The following NUMB variants were observed in gnomAD, a reference collection of about 807,000 sequenced individuals.
NUMB encodes NUMB endocytic adaptor protein.
Under a neutral mutation model 59.7 loss-of-function variants are expected in NUMB, and 29 were observed. That is an observed-to-expected ratio of 0.49 (90% CI 0.36 to 0.66). The LOEUF is 0.66. NUMB is among the 30% of genes least tolerant of loss of function. The probability of loss-of-function intolerance (pLI) is 0.00; values close to 1 mark genes in which losing one functional copy is unlikely to be tolerated. For synonymous variants in NUMB, 288 were observed against 288.2 expected (o/e 1.00, Z 0.01); for missense variants, 723 against 822.0 (o/e 0.88, Z 1.47).
chr14:73,434,007 C>T (rs10137190), intron 1 of NUMB, among the ~76,000 whole-genome samples: 1,593 of 152,174 alleles, frequency 0.01, 28 homozygotes, highest in African/African-American at 0.037. Context: ...GCAGGAGAAT[C>T]GCTTAGAACC....
Position 73,277,181 on chromosome 14 carries a change from G to C in NUMB, c.1353C>G (p.Val451=). 6.2e-7 allele frequency: 1 copy of C among 1,614,020 alleles called. No individual in the cohort carries two copies. Among genetic ancestry groups the C allele is most frequent in the Non-Finnish European group, 8.5e-7 (1 of 1,180,020 alleles). ...DRWLEEVSKS[V]RAQQPQASAA... is the part of the protein sequence containing the mutation. Reference sequence around the variant, plus strand: ...CTGAGGCCTGGGGCTGCTGAGCCCGGACGCTCTTAGACACCTCTTCTAACC... The same window carrying C: ...CTGAGGCCTGGGGCTGCTGAGCCCGCACGCTCTTAGACACCTCTTCTAACC... The change falls in exon 13 of 13, where the codon GTC becomes GTG. Residue 451 remains valine (V), a synonymous_variant. Transcript: ENST00000555238.
intron 6 of NUMB, among the ~76,000 whole-genome samples, chr14:73,308,245 G>C (rs1394219143): frequency 1.3e-5 from 2 of 152,140 alleles, no homozygotes; most frequent in Non-Finnish European, 2.9e-5. Flanking sequence ...ACTGTTGATG[G>C]AGTGGATGTA....
chr14:73,292,780 G>A lies in NUMB; in HGVS notation c.404C>T (p.Thr135Ile). Reference sequence around the variant, plus strand: ...GCAGTGACAGATCCAGCGACGAGTGGTGCCATCACGGCATATGTAAGAAAA... The same window carrying A: ...GCAGTGACAGATCCAGCGACGAGTGATGCCATCACGGCATATGTAAGAAAA... ...RAFSYICRDGTTRRWICHCFM... is the reference protein window; with the variant it reads ...RAFSYICRDGITRRWICHCFM... Residue 135 changes from threonine (T) to isoleucine (I), a missense_variant, in exon 8 of 13, where the codon ACC becomes ATC. Thr to Ile is a moderately conservative substitution (Grantham distance 89). Around this residue, in one of 2 missense-constraint regions of NUMB, gnomAD observed 317 missense variants for 436.6 expected, o/e 0.73. Transcript: ENST00000555238. 6.2e-7 allele frequency: 1 copy of A among 1,614,242 alleles called. No homozygotes were observed. Among genetic ancestry groups the A allele is most frequent in the Non-Finnish European group, 8.5e-7 (1 of 1,180,042 alleles).
chr14:73,320,669 T>C (rs1006405275), intron 5 of NUMB, among the ~76,000 whole-genome samples: 2 of 152,210 alleles, frequency 1.3e-5, no homozygotes, highest in Non-Finnish European at 2.9e-5. Flanking sequence ...GACCACATAT[T>C]GTAGATCAGA....
At chr14:73,391,666 A>C (rs966080492) in intron 2 of NUMB, among the ~76,000 whole-genome samples, 1 of 152,224 alleles carries the variant, frequency 6.6e-6, no homozygotes, top group African/African-American at 2.4e-5. Flanking sequence ...CTAACACAGT[A>C]GGTCTGGGAT....
chr14:73,410,379 C>T (rs931353002), intron 1 of NUMB, among the ~76,000 whole-genome samples: 1 of 152,264 alleles, frequency 6.6e-6, no homozygotes, highest in African/African-American at 2.4e-5. Flanking sequence ...ACTGAGGGAA[C>T]CAGATCAAAA....
chr14:73,295,059 CAAA>C (rs1168287763), intron 7 of NUMB, among the ~76,000 whole-genome samples: 1 of 67,210 alleles, frequency 1.5e-5, no homozygotes, highest in African/African-American at 5.9e-5. Context: ...GGCACTGTCT[CAAA>C]AAAAAAAAAA....
At chr14:73,357,456 C>G (rs777952983) in intron 3 of NUMB, among the ~76,000 whole-genome samples, 6 of 150,138 alleles carry the variant, frequency 4.0e-5, no homozygotes, top group Non-Finnish European at 7.4e-5. Context: ...TCTTTTATAT[C>G]ACATTTTAAA....
At chr14:73,412,238 G>A (rs527695445) in intron 1 of NUMB, among the ~76,000 whole-genome samples, 1 of 152,046 alleles carries the variant, frequency 6.6e-6, no homozygotes, top group Non-Finnish European at 1.5e-5. Flanking sequence ...ATTTAATGGG[G>A]ACTGATTATT....
At chr14:73,403,970 G>C (rs1896540323) in intron 2 of NUMB, among the ~76,000 whole-genome samples, 1 of 151,798 alleles carries the variant, frequency 6.6e-6, no homozygotes, top group African/African-American at 2.4e-5. Flanking sequence ...GCGCGGCCCT[G>C]TAGTCCCAGC....
chr14:73,288,916 GGT>G lies in NUMB; in HGVS notation c.451-1604_451-1603del, dbSNP rs1346442095. On this transcript the variant is annotated intron_variant, in intron 8 of 12. Coordinates refer to ENST00000555238, the MANE Select transcript of NUMB (RefSeq NM_001005743.2). ...GAAAAAATTAGTCGAGTGTGGTGGT[GGT>G]GTGTGTCTGTGGTCCTACTTGGGAG... Among the ~76,000 whole-genome samples the G allele has an allele frequency of 2.0e-5, 3 of 151,850 alleles. No individual in the cohort carries two copies. In the South Asian group the frequency reaches 6.3e-4, roughly 32 times the overall value.
chr14:73,452,399 A>G (rs1884052680), intron 1 of NUMB, among the ~76,000 whole-genome samples: 1 of 152,154 alleles, frequency 6.6e-6, no homozygotes, highest in Non-Finnish European at 1.5e-5. Flanking sequence ...GGCAGCCTGT[A>G]GTCCCAGCAA....
intron 1 of NUMB, among the ~76,000 whole-genome samples, chr14:73,454,781 T>C (rs1884230635): frequency 6.6e-6 from 1 of 152,200 alleles, no homozygotes; most frequent in Non-Finnish European, 1.5e-5. Flanking sequence ...AGATGAATAA[T>C]AAGTCCACTT....
At chr14:73,367,348 T>TATATATATATAGAGAGAG (rs1555375287) in intron 2 of NUMB, among the ~76,000 whole-genome samples, 15 of 105,288 alleles carry the variant, frequency 1.4e-4, no homozygotes, top group African/African-American at 6.5e-4. Flanking sequence ...TATATATATA[T>TATATATATATAGAGAGAG]AGAGAGAGAG....
intron 11 of NUMB, among the ~76,000 whole-genome samples, chr14:73,280,133 G>A (rs893275974): frequency 8.6e-5 from 13 of 151,898 alleles, no homozygotes; most frequent in African/African-American, 3.1e-4. Context: ...CTCCAGCCTG[G>A]GCAACAGAGT....
chr14:73,330,534 GTCTGTGTATT>G (rs1566745706), intron 4 of NUMB, among the ~76,000 whole-genome samples: 7 of 152,152 alleles, frequency 4.6e-5, no homozygotes, highest in African/African-American at 1.7e-4. Flanking sequence ...TACACGACTT[GTCTGTGTATT>G]ACTTGTCTGT....
chr14:73,427,968 TAAAGA>T, intron 1 of NUMB, among the ~76,000 whole-genome samples: 1 of 152,208 alleles, frequency 6.6e-6, no homozygotes, highest in Non-Finnish European at 1.5e-5. Context: ...ATTTACCAGT[TAAAGA>T]AAAGTGTCTT....
intron 4 of NUMB, among the ~76,000 whole-genome samples, chr14:73,353,072 GTTTTTTTTTTT>G (rs71112737): frequency 2.1e-4 from 12 of 58,520 alleles, no homozygotes; most frequent in South Asian, 6.2e-4. Context: ...AGTTTTTCTT[GTTTTTTTTTTT>G]TTTTTTTTTT....
At chr14:73,434,474 A>G (rs956403682) in intron 1 of NUMB, among the ~76,000 whole-genome samples, 1 of 152,228 alleles carries the variant, frequency 6.6e-6, no homozygotes, top group Non-Finnish European at 1.5e-5. Flanking sequence ...CTAGGCTATC[A>G]GTTCTCACAA....
Sources: allele counts gnomAD v4.1 joint callset (sites outside exome capture counted in the v4.1 genomes callset), GRCh38; gene constraint gnomAD v4.1.1; regional missense constraint gnomAD v4.1.1; transcripts MANE v1.5; gene names NCBI Gene and HGNC (gene_info 2026-07-23, HGNC 2026-07-21).